GATD1: variants seen among roughly 807,000 people sequenced by gnomAD.
GATD1 encodes glutamine amidotransferase-like class 1 domain-containing protein 1.
In GATD1, 23 loss-of-function variants were observed where a neutral mutation model predicts 25.9. That is an observed-to-expected ratio of 0.89 (90% CI 0.64 to 1.26). The LOEUF is 1.26. Ranked by LOEUF, GATD1 falls within the 50% of genes most tolerant of loss-of-function variation. The pLI is 0.00. For synonymous variants in GATD1, 177 were observed against 134.6 expected (o/e 1.31, Z -2.18); for missense variants, 347 against 312.5 (o/e 1.11, Z -0.83).
intron 5 of GATD1, 29 bp from the exon 6 acceptor site, chr11:771,455 A>ACAGGCC: frequency 6.6e-7 from 1 of 1,510,338 alleles, no homozygotes; most frequent in Non-Finnish European, 8.8e-7. Context: ...GGCTCCTGAG[A>ACAGGCC]CAGGCCCAGG....
intron 6 of GATD1, 84 bp downstream of exon 6, chr11:771,249 C>T: frequency 3.9e-6 from 6 of 1,555,514 alleles, no homozygotes; most frequent in Non-Finnish European, 5.2e-6. Flanking sequence ...GAACCCAGGG[C>T]CCAGGAGGCT....
chr11:773,142 G>A (rs1414618080), intron 4 of GATD1, among the ~76,000 whole-genome samples: 7 of 152,228 alleles, frequency 4.6e-5, no homozygotes, highest in African/African-American at 1.4e-4. Flanking sequence ...CCAACCCGGA[G>A]CCGGGGCAGC....
intron 4 of GATD1, 196 bp downstream of exon 4, chr11:773,326 C>T (rs1041725879): frequency 3.2e-5 from 18 of 553,910 alleles, no homozygotes; most frequent in Non-Finnish European, 5.1e-5. Flanking sequence ...AGATGGTCAC[C>T]AGGAGACGAC....
At position 768,203 on chromosome 11, in the gene GATD1, G is replaced by A. The variant is rs992257647; in HGVS notation, c.*2694C>T. ...CAAATGGACTAGGACATTAAGACAT[G>A]AGCTTGCCTGTAGTCCCAGCACTTT... On this transcript the variant is annotated 3_prime_UTR_variant, in exon 8 of 8. Transcript: ENST00000319863. 2.0e-5 allele frequency: 3 copies of A among 152,082 alleles called. No homozygotes were observed. The highest frequency in any genetic ancestry group is 7.2e-5 in the African/African-American group (3 of 41,400). 9.4% of individuals were successfully genotyped at this position (152,082 alleles called of 1,614,324 possible). A position where few individuals can be genotyped will look rare whatever the true frequency, so the allele number is the denominator to read the frequency against.
At position 771,030 on chromosome 11, in the gene GATD1, G is replaced by A; in HGVS notation, c.619C>T (p.Pro207Ser). ...AGGAAGAGCAGGTTCTGCACGGCCGGGACAGTGGAGCTGGCATTCTGGCCT... is the reference window on the plus strand; with the variant it reads ...AGGAAGAGCAGGTTCTGCACGGCCGAGACAGTGGAGCTGGCATTCTGGCCT... ...VTGQNASSTVPAVQNLLFLCG... is the reference protein window; with the variant it reads ...VTGQNASSTVSAVQNLLFLCG... The change falls in exon 7 of 8, where the codon CCG becomes TCG. Residue 207 changes from proline (P) to serine (S), a missense_variant. Physicochemically the swap from Pro to Ser is moderately conservative, Grantham distance 74. Transcript: ENST00000319863. 2 of 1,613,162 alleles carry A rather than the reference G, an allele frequency of 1.2e-6. No individual in the cohort carries two copies. The highest frequency in any genetic ancestry group is 1.7e-6 in the Non-Finnish European group (2 of 1,179,946).
rs749180785 is a variant in GATD1 at position 769,741 on chromosome 11, C to G, written c.*1156G>C. 3 of 197,204 alleles carry G rather than the reference C, an allele frequency of 1.5e-5. No individual in the cohort carries two copies. Among genetic ancestry groups the G allele is most frequent in the Non-Finnish European group, 2.7e-5 (3 of 109,230 alleles). The allele number at this position is 197,204 out of a possible 1,614,324, so 12.2% of individuals were successfully genotyped here. The stretch of plus-strand genomic sequence containing the variant: ...TCTCCTGCCTCAGCCTCCCAAGTAG[C>G]TGGGACTACACACACCCACCACCAT... On this transcript the variant is annotated 3_prime_UTR_variant, in exon 8 of 8. Transcript: ENST00000319863.
Position 772,456 on chromosome 11 carries a change from AG to A in GATD1, c.420del (p.Trp141GlyfsTer8), listed in dbSNP as rs1315416880. The A allele has an allele frequency of 3.1e-6, 5 of 1,613,298 alleles. No individual in the cohort carries two copies. The highest frequency in any genetic ancestry group is 2.2e-5 in the East Asian group (1 of 44,870). ...GTCAGGCTGTAGCTGTCGAACACCC[AG>A]GATCTGTCCTCGTTGGTGGCACAGC... The part of the protein sequence containing the change: ...ALCCATNEDR[S>X]WVFDSYSLTG... On this transcript the variant is annotated frameshift_variant, in exon 5 of 8. Transcript: ENST00000319863. LOFTEE classifies it high-confidence loss of function.
chr11:773,305 A>C, intron 4 of GATD1: 53 of 465,696 alleles, frequency 1.1e-4, no homozygotes, highest in East Asian at 2.2e-4. Flanking sequence ...GAGCCCACCC[A>C]GAGGCCTGCA....
rs1419997115 is a variant in GATD1 at position 771,004 on chromosome 11, G to A, written c.645C>T (p.Leu215=). ...TVPAVQNLLF[L]CGSRK is the part of the protein sequence containing the mutation. ...CCTGGTGCCCTCACCGGCTGCCACA[G>A]AGGAAGAGCAGGTTCTGCACGGCCG... The change falls in exon 7 of 8, where the codon CTC becomes CTT. Residue 215 remains leucine (L), a synonymous_variant. Transcript: ENST00000319863. 1 of 1,613,452 alleles carries A rather than the reference G, an allele frequency of 6.2e-7. No homozygotes were observed.
At chr11:773,768 A>G in intron 3 of GATD1, 139 bp from the exon 4 acceptor site, 1 of 716,336 alleles carries the variant, frequency 1.4e-6, no homozygotes, top group Non-Finnish European at 2.3e-6. Context: ...CTTTTCCTCC[A>G]TGGGCTACAG....
intron 2 of GATD1, 61 bp from the exon 3 acceptor site, chr11:774,174 G>A (rs1489656485): frequency 6.1e-6 from 9 of 1,473,382 alleles, no homozygotes; most frequent in Non-Finnish European, 8.5e-6. Context: ...TCGGCTCAGA[G>A]GGAGCCTGAA....
intron 2 of GATD1, 81 bp downstream of exon 2, chr11:774,985 G>A (rs866780332): frequency 8.1e-5 from 107 of 1,321,694 alleles, no homozygotes; most frequent in East Asian, 2.5e-5. Flanking sequence ...CCCAGGCCGC[G>A]GCGGCAGTCT....
intron 1 of GATD1, among the ~76,000 whole-genome samples, chr11:776,455 C>T (rs1415588493): frequency 6.6e-6 from 1 of 152,084 alleles, no homozygotes; most frequent in Non-Finnish European, 1.5e-5. Context: ...CTCAACATGC[C>T]GGACCTCCTC....
Position 767,403 on chromosome 11 carries a change from G to T in GATD1, c.*3494C>A. 6.5e-7 allele frequency: 1 copy of T among 1,529,132 alleles called. No individual in the cohort carries two copies. Among genetic ancestry groups the T allele is most frequent in the Admixed American group, 2.0e-5 (1 of 49,384 alleles). The allele number at this position is 1,529,132 out of a possible 1,614,324, so 94.7% of individuals were successfully genotyped here. ...CAAAGAGAGAACTGTGCACAGCGGG[G>T]AGGCTCTCCAAGCCAGAGGCCTCGC... On this transcript the variant is annotated 3_prime_UTR_variant, in exon 8 of 8. Transcript: ENST00000319863.
rs1863341163 is a variant in GATD1 at position 770,603 on chromosome 11, A to T, written c.*294T>A. Reference sequence around the variant, plus strand: ...ACAACCAGTCCTCCCTAGAAAACCCAGCCTGGAATTCCCGAGGACCACCTA... The same window carrying T: ...ACAACCAGTCCTCCCTAGAAAACCCTGCCTGGAATTCCCGAGGACCACCTA... On this transcript the variant is annotated 3_prime_UTR_variant, in exon 8 of 8. Coordinates refer to ENST00000319863, the MANE Select transcript of GATD1 (RefSeq NM_182612.4). 7.1e-7 allele frequency: 1 copy of T among 1,409,916 alleles called. No individual in the cohort carries two copies. 87.3% of individuals were successfully genotyped at this position (1,409,916 alleles called of 1,614,324 possible). A position where few individuals can be genotyped will look rare whatever the true frequency, so the allele number is the denominator to read the frequency against.
intron 2 of GATD1, 87 bp downstream of exon 2, chr11:774,979 G>A (rs1767435444): frequency 2.4e-6 from 3 of 1,256,700 alleles, no homozygotes; most frequent in Admixed American, 2.1e-5. Context: ...ACTCCTCCCA[G>A]GCCGCGGCGG....
rs1003404292 is a variant in GATD1 at position 775,913 on chromosome 11, G to A, written c.65-771C>T. ...AGTTTATTCCAAAGTAGCGTGAGCT[G>A]TATCTCTCTACATTTATTTTAACTC... On this transcript the variant is annotated intron_variant, in intron 1 of 7. Transcript: ENST00000319863. 5.4e-5 allele frequency among the ~76,000 whole-genome samples: 8 copies of A among 148,432 alleles called. No individual in the cohort carries two copies. The East Asian group carries it at 1.2e-3, about 22-fold the overall frequency.
rs1336725641 is a variant in GATD1, at chr11:767,423, C to T, written c.*3474G>A. ...GCGGGGAGGCTCTCCAAGCCAGAGG[C>T]CTCGCACGCAGCTGAGGAATGACGC... On this transcript the variant is annotated 3_prime_UTR_variant, in exon 8 of 8. Coordinates refer to ENST00000319863, the MANE Select transcript of GATD1 (RefSeq NM_182612.4). 6.6e-7 allele frequency: 1 copy of T among 1,515,092 alleles called. No homozygotes were observed. 93.9% of individuals were successfully genotyped at this position (1,515,092 alleles called of 1,614,324 possible).
Position 774,054 on chromosome 11 carries a change from GA to G in GATD1, c.200del (p.Phe67SerfsTer24), listed in dbSNP as rs754110704. On this transcript the variant is annotated frameshift_variant, in exon 3 of 8. Coordinates refer to ENST00000319863, the MANE Select transcript of GATD1 (RefSeq NM_182612.4). LOFTEE classifies it high-confidence loss of function. ...TESNARWVQD[F>X]RLKAYASPAK... is the part of the protein sequence containing the mutation. ...CGGGGCTGGCGTAAGCCTTGAGGCG[GA>G]AGTCTTGCACCCAGCGTGCATTGCT... 1 of 1,613,712 alleles carries G rather than the reference GA, an allele frequency of 6.2e-7. No homozygotes were observed. Among genetic ancestry groups the G allele is most frequent in the Non-Finnish European group, 8.5e-7 (1 of 1,180,010 alleles).
Sources: allele counts gnomAD v4.1 joint callset (sites outside exome capture counted in the v4.1 genomes callset), GRCh38; gene constraint gnomAD v4.1.1; transcripts MANE v1.5; gene names NCBI Gene and HGNC (gene_info 2026-07-23, HGNC 2026-07-21).